The following TUT4 variants were observed in gnomAD, a reference collection of about 807,000 sequenced individuals.
TUT4 encodes terminal uridylyl transferase 4.
TUT4 carries 36 observed loss-of-function variants against 192.2 expected under a neutral mutation model. The observed-to-expected ratio is 0.19, with a 90% CI of 0.14 to 0.25. The LOEUF (loss-of-function observed/expected upper bound fraction) is 0.25. TUT4 is among the 10% of genes least tolerant of loss of function. The pLI is 1.00. For synonymous variants in TUT4, 618 were observed against 666.0 expected (o/e 0.93, Z 1.11); for missense variants, 1,493 against 1,957.2 (o/e 0.76, Z 4.47).
chr1:52,479,997 GAAAAAAA>G lies in TUT4; in HGVS notation c.1848+1419_1848+1425del, dbSNP rs375149209. 3.1e-3 allele frequency among the ~76,000 whole-genome samples: 206 copies of G among 67,204 alleles called. 1 individual carries two copies. The highest frequency in any genetic ancestry group is 9.8e-3 in the African/African-American group (191 of 19,562). 44.1% of individuals were successfully genotyped at this position (67,204 alleles called of 152,430 possible). On this transcript the variant is annotated intron_variant, in intron 11 of 29. Transcript: ENST00000257177. ...GCGACAGAGCGAGACTCCGTCTCAG[GAAAAAAA>G]AAAAAAAAAAAAAAAGACTATTAGA...
intron 20 of TUT4, 89 bp from the exon 21 acceptor site, chr1:52,446,756 T>C (rs765005767): frequency 9.5e-6 from 8 of 844,122 alleles, no homozygotes; most frequent in Non-Finnish European, 1.3e-5. Context: ...AATTTACCTA[T>C]AAGACATACT....
intron 2 of TUT4, among the ~76,000 whole-genome samples, chr1:52,519,818 T>TA (rs1416852838): frequency 2.0e-5 from 3 of 152,104 alleles, no homozygotes; most frequent in Non-Finnish European, 4.4e-5. Flanking sequence ...CTTGAATACT[T>TA]AGATTTTTTA....
rs770485120 is a variant in TUT4, at chr1:52,431,263, G to T, written c.4461C>A (p.Pro1487=). ...TTGGCAACAATCCCATATTGTGCAT[G>T]GGAGAATACTGAGCTGGTGGTGACT... The part of the protein sequence containing the change: ...FPQSPPAQYS[P]MHNMGLLPMH... Residue 1487 remains proline (P), a synonymous_variant, in exon 28 of 30, where the codon CCC becomes CCA. Coordinates refer to ENST00000257177, the MANE Select transcript of TUT4 (RefSeq NM_001009881.3). The T allele has an allele frequency of 5.0e-6, 8 of 1,614,200 alleles. No homozygotes were observed. The South Asian group carries it at 8.8e-5, about 18-fold the overall frequency.
intron 4 of TUT4, among the ~76,000 whole-genome samples, chr1:52,500,862 G>C (rs1345378535): frequency 6.6e-6 from 1 of 151,916 alleles, no homozygotes; most frequent in Non-Finnish European, 1.5e-5. Context: ...CAGTGCAGGA[G>C]GTAGAGGCTA....
At chr1:52,447,483 A>T (rs1187404440) in intron 20 of TUT4, among the ~76,000 whole-genome samples, 2 of 150,658 alleles carry the variant, frequency 1.3e-5, no homozygotes, top group Non-Finnish European at 2.9e-5. Flanking sequence ...AAAACAAAAA[A>T]AAAAAAGGAA....
At chr1:52,453,253 G>A (rs955840891) in intron 20 of TUT4, among the ~76,000 whole-genome samples, 2 of 151,844 alleles carry the variant, frequency 1.3e-5, no homozygotes, top group African/African-American at 4.8e-5. Context: ...ATGGTGGTGG[G>A]CACTTGTAAT....
In TUT4 at chr1:52,423,895, C is replaced by T. The variant is rs1280717732; in HGVS notation, c.*40G>A. ...TTGAGACAGCAGGATTGGCTGGTTG[C>T]TGTGCATCGGTAGACCAGCTGAAAG... On this transcript the variant is annotated 3_prime_UTR_variant, in exon 30 of 30. Coordinates refer to ENST00000257177, the MANE Select transcript of TUT4 (RefSeq NM_001009881.3). 6.2e-7 allele frequency: 1 copy of T among 1,604,634 alleles called. No homozygotes were observed. The highest frequency in any genetic ancestry group is 2.2e-5 in the East Asian group (1 of 44,448).
At chr1:52,424,259 A>G (rs1649052908) in intron 29 of TUT4, 1 of 435,676 alleles carries the variant, frequency 2.3e-6, no homozygotes, top group Non-Finnish European at 4.2e-6. Context: ...AGAGTTGCAG[A>G]CTCTCCCCTC....
intron 8 of TUT4, among the ~76,000 whole-genome samples, chr1:52,490,275 C>T (rs1384736449): frequency 6.6e-6 from 1 of 151,680 alleles, no homozygotes; most frequent in Non-Finnish European, 1.5e-5. Flanking sequence ...CTCAGCCTCC[C>T]GAGTAGCTGG....
chr1:52,459,034 C>T (rs544706118), intron 19 of TUT4, among the ~76,000 whole-genome samples: 1 of 152,042 alleles, frequency 6.6e-6, no homozygotes, highest in East Asian at 1.9e-4. Flanking sequence ...AACGAAGTCC[C>T]CTGATGGTCT....
chr1:52,541,105 C>A (rs764129664), intron 1 of TUT4, among the ~76,000 whole-genome samples: 6 of 151,068 alleles, frequency 4.0e-5, no homozygotes, highest in Non-Finnish European at 5.9e-5. Context: ...ACTAGGGTGA[C>A]TGAGGCACAA....
chr1:52,545,296 G>C (rs1234048365), intron 1 of TUT4, among the ~76,000 whole-genome samples: 2 of 150,890 alleles, frequency 1.3e-5, no homozygotes, highest in East Asian at 3.9e-4. Context: ...AGAATTGCTT[G>C]AGCCTGGGAG....
intron 1 of TUT4, among the ~76,000 whole-genome samples, chr1:52,552,102 A>G (rs1689599913): frequency 6.6e-6 from 1 of 152,224 alleles, no homozygotes; most frequent in South Asian, 2.1e-4. Flanking sequence ...AAATTCATCT[A>G]AGACTTCGAA....
intron 26 of TUT4, among the ~76,000 whole-genome samples, 182 bp from the exon 27 acceptor site, chr1:52,435,647 A>G (rs1351278953): frequency 1.3e-5 from 2 of 152,258 alleles, no homozygotes; most frequent in Non-Finnish European, 2.9e-5. Flanking sequence ...TAATTTTAAA[A>G]GCTATTTGTC....
chr1:52,517,983 G>A (rs1230361734), intron 2 of TUT4, among the ~76,000 whole-genome samples: 1 of 152,088 alleles, frequency 6.6e-6, no homozygotes, highest in African/African-American at 2.4e-5. Context: ...TCAAAAGTCA[G>A]AAATATATGA....
chr1:52,538,934 A>G (rs1685728884), intron 1 of TUT4, among the ~76,000 whole-genome samples: 1 of 152,184 alleles, frequency 6.6e-6, no homozygotes, highest in Admixed American at 6.5e-5. Flanking sequence ...CACCAAGACA[A>G]TTCTCCCACC....
At position 52,539,569 on chromosome 1, in the gene TUT4, G is replaced by A. The variant is rs116192280; in HGVS notation, c.-93-13196C>T. Among the ~76,000 whole-genome samples the A allele has an allele frequency of 9.0e-3, 1,375 of 152,172 alleles. 24 individuals carry two copies. Among genetic ancestry groups the A allele is most frequent in the African/African-American group, 0.031 (1,301 of 41,488 alleles). On this transcript the variant is annotated intron_variant, in intron 1 of 29. Transcript: ENST00000257177. ...GCCACAAGTTCCTACAAAAAGTCCC[G>A]GAGCTCTTACAAATTTTCAGTTTTA...
At chr1:52,522,701 G>A (rs1019411228) in intron 2 of TUT4, among the ~76,000 whole-genome samples, 2 of 152,114 alleles carry the variant, frequency 1.3e-5, no homozygotes, top group African/African-American at 2.4e-5. Context: ...TGAGGCAGGC[G>A]GATCACCTGA....
intron 21 of TUT4, 72 bp from the exon 22 acceptor site, chr1:52,446,514 G>C: frequency 6.5e-7 from 1 of 1,539,922 alleles, no homozygotes; most frequent in Non-Finnish European, 8.8e-7. Flanking sequence ...GCAAATTTAA[G>C]TAAAATTATT....
Sources: allele counts gnomAD v4.1 joint callset (sites outside exome capture counted in the v4.1 genomes callset), GRCh38; gene constraint gnomAD v4.1.1; transcripts MANE v1.5; gene names NCBI Gene and HGNC (gene_info 2026-07-23, HGNC 2026-07-21).